Variants in PRKN observed in about 807,000 individuals in gnomAD.
The protein encoded by PRKN is parkin RBR E3 ubiquitin protein ligase.
In PRKN, 56 loss-of-function variants were observed where a neutral mutation model predicts 59.5. The observed-to-expected ratio is 0.94, with a 90% CI of 0.76 to 1.18. The LOEUF (loss-of-function observed/expected upper bound fraction) is 1.18, where lower values mean the gene tolerates loss of function less well. Ranked by LOEUF, PRKN falls within the 50% of genes most tolerant of loss-of-function variation. The probability of loss-of-function intolerance (pLI) is 0.00; values close to 1 mark genes in which losing one functional copy is unlikely to be tolerated. For missense variants in PRKN, 657 were observed against 596.4 expected, an observed-to-expected ratio of 1.10 and a Z score of -1.06; for synonymous variants, 250 against 222.1, an observed-to-expected ratio of 1.13 and a Z score of -1.12.
At chr6:162,556,624 G>A (rs1274837180) in intron 1 of PRKN, among the ~76,000 whole-genome samples, 7 of 151,338 alleles carry the variant, frequency 4.6e-5, no homozygotes, top group Non-Finnish European at 7.4e-5. Flanking sequence ...GCGTGCACCT[G>A]TAGTCCCAGC....
At chr6:161,477,336 G>A (rs1021108183) in intron 9 of PRKN, among the ~76,000 whole-genome samples, 2 of 152,114 alleles carry the variant, frequency 1.3e-5, no homozygotes, top group Non-Finnish European at 2.9e-5. Context: ...TGACCAACAC[G>A]GAGAAACCCC....
chr6:161,711,396 T>C lies in PRKN; in HGVS notation c.871+74376A>G, dbSNP rs149261723. On this transcript the variant is annotated intron_variant, in intron 7 of 11. Transcript: ENST00000366898. Reference sequence around the variant, plus strand: ...TATAGAAAGGTACATATATGCATTGTATGTCTATGACTGTGTGTATACAGA... The same window carrying C: ...TATAGAAAGGTACATATATGCATTGCATGTCTATGACTGTGTGTATACAGA... Among the ~76,000 whole-genome samples the C allele has an allele frequency of 3.9e-4, 60 of 152,322 alleles. No individual in the cohort carries two copies. In the Middle Eastern group the frequency reaches 0.01, roughly 26 times the overall value.
chr6:162,116,472 A>G (rs1283509779), intron 4 of PRKN, among the ~76,000 whole-genome samples: 1 of 152,222 alleles, frequency 6.6e-6, no homozygotes, highest in African/African-American at 2.4e-5. Flanking sequence ...AAGATGGCTG[A>G]GCCCTGGCCT....
intron 4 of PRKN, among the ~76,000 whole-genome samples, chr6:162,105,846 T>C (rs766598202): frequency 2.0e-5 from 3 of 152,216 alleles, no homozygotes; most frequent in Non-Finnish European, 4.4e-5. Flanking sequence ...GATAAGATTT[T>C]TAGTAACTGA....
chr6:161,972,296 T>C (rs113203002), intron 6 of PRKN, among the ~76,000 whole-genome samples: 1,567 of 148,428 alleles, frequency 0.011, 26 homozygotes, highest in African/African-American at 0.036. Context: ...AAAAAAAGAG[T>C]TCTTCCTGAT....
intron 7 of PRKN, among the ~76,000 whole-genome samples, chr6:161,622,010 G>A (rs1782921550): frequency 6.6e-6 from 1 of 152,150 alleles, no homozygotes; most frequent in Non-Finnish European, 1.5e-5. Context: ...CCACGTGTAT[G>A]CCGCCTATCT....
At chr6:161,724,753 C>T (rs993321161) in intron 7 of PRKN, among the ~76,000 whole-genome samples, 2 of 152,124 alleles carry the variant, frequency 1.3e-5, no homozygotes, top group Admixed American at 6.5e-5. Flanking sequence ...AATTCCCCAC[C>T]AATTATTAGA....
intron 7 of PRKN, among the ~76,000 whole-genome samples, chr6:161,596,819 T>C (rs779240018): frequency 9.9e-5 from 15 of 152,204 alleles, no homozygotes; most frequent in Non-Finnish European, 1.8e-4. Flanking sequence ...AATAGTTCTC[T>C]ACCTCTTTCT....
At chr6:162,011,488 AT>A (rs1224357589) in intron 5 of PRKN, among the ~76,000 whole-genome samples, 1 of 35,890 alleles carries the variant, frequency 2.8e-5, no homozygotes, top group East Asian at 8.0e-4. Context: ...ATATTATAAT[AT>A]ATATAATATA....
At chr6:162,620,708 G>T in intron 1 of PRKN, among the ~76,000 whole-genome samples, 1 of 140,556 alleles carries the variant, frequency 7.1e-6, no homozygotes, top group East Asian at 2.0e-4. Flanking sequence ...CAACACATTT[G>T]CATATAGATA....
At chr6:161,817,103 A>G (rs535611185) in intron 6 of PRKN, among the ~76,000 whole-genome samples, 1 of 152,300 alleles carries the variant, frequency 6.6e-6, no homozygotes, top group East Asian at 1.9e-4. Context: ...GAATTTGATC[A>G]ATTCTACCTT....
At chr6:162,585,188 T>C (rs1780993582) in intron 1 of PRKN, among the ~76,000 whole-genome samples, 1 of 151,724 alleles carries the variant, frequency 6.6e-6, no homozygotes, top group Non-Finnish European at 1.5e-5. Flanking sequence ...CATGAGCCAC[T>C]GCACCTGGCC....
chr6:162,014,290 A>T (rs1036454375), intron 5 of PRKN, among the ~76,000 whole-genome samples: 2 of 152,206 alleles, frequency 1.3e-5, no homozygotes, highest in Non-Finnish European at 2.9e-5. Flanking sequence ...GAGCACAGCC[A>T]GAGCCCTGCA....
At chr6:162,626,582 C>T (rs753540945) in intron 1 of PRKN, among the ~76,000 whole-genome samples, 29 of 151,986 alleles carry the variant, frequency 1.9e-4, no homozygotes, top group Non-Finnish European at 3.4e-4. Context: ...TGGAAAGCCG[C>T]GGAGGGTGGA....
At chr6:161,867,740 C>CCTTTATTTATTT (rs1554236154) in intron 6 of PRKN, among the ~76,000 whole-genome samples, 223 of 137,606 alleles carry the variant, frequency 1.6e-3, no homozygotes, top group Non-Finnish European at 2.4e-3. Context: ...AAAAATCTTT[C>CCTTTATTTATTT]ATTTATTTAT....
chr6:161,349,752 A>G lies in PRKN; in HGVS notation c.*347T>C. On this transcript the variant is annotated 3_prime_UTR_variant, in exon 12 of 12. Transcript: ENST00000366898. This position sits in a 1 kb window ranked among gnomAD's most constrained non-coding sequence, Gnocchi z 5.5. ...GAATTCAGGTGAGAATGACCCATAC[A>G]GATACATGGATTGCACTTGAATCTG... 4.5e-6 allele frequency: 2 copies of G among 446,350 alleles called. No individual in the cohort carries two copies. The highest frequency in any genetic ancestry group is 8.3e-6 in the Non-Finnish European group (2 of 240,092). The allele number at this position is 446,350 out of a possible 1,614,324, so 27.6% of individuals were successfully genotyped here.
chr6:162,585,538 A>G (rs955449295), intron 1 of PRKN, among the ~76,000 whole-genome samples: 1 of 152,164 alleles, frequency 6.6e-6, no homozygotes, highest in Non-Finnish European at 1.5e-5. Context: ...CAAACCTGTC[A>G]TAATTCTATT....
intron 2 of PRKN, among the ~76,000 whole-genome samples, chr6:162,279,244 A>T (rs1009010213): frequency 2.0e-5 from 3 of 151,936 alleles, no homozygotes; most frequent in African/African-American, 7.3e-5. Flanking sequence ...AGGCTGAGGC[A>T]AGAGAATCGC....
chr6:162,714,940 AAAC>A (rs1169556546), intron 1 of PRKN, among the ~76,000 whole-genome samples: 27 of 152,250 alleles, frequency 1.8e-4, no homozygotes. Context: ...CAGTAAGAAG[AAAC>A]AACAGTAAAG....
Sources: gnomAD v4.1 joint callset for allele counts (sites outside exome capture counted in the v4.1 genomes callset) on GRCh38, gnomAD v4.1.1 for gene constraint, Gnocchi (gnomAD v3.1) non-coding constraint, MANE v1.5 for transcripts, NCBI Gene and HGNC (gene_info 2026-07-23, HGNC 2026-07-21) for gene names.